Variants in CTNNA2 observed in about 807,000 individuals in gnomAD.
CTNNA2 encodes the protein catenin alpha 2, also known as catenin alpha-2.
Under a neutral mutation model 101.0 loss-of-function variants are expected in CTNNA2, and 42 were observed. The ratio of observed to expected loss-of-function variants is 0.42; its 90% confidence interval spans 0.32 to 0.54. CTNNA2 has a LOEUF of 0.54. Ranked by LOEUF, CTNNA2 falls within the 20% of genes least tolerant of loss-of-function variation. The pLI, the probability that CTNNA2 is intolerant of heterozygous loss-of-function variation, is 0.14. For missense variants in CTNNA2, 871 were observed against 1,223.1 expected (o/e 0.71, Z 4.29); for synonymous variants, 450 against 456.4 (o/e 0.99, Z 0.18).
rs1445938300 is a variant in CTNNA2, at chr2:79,869,910, A to G, written c.560A>G (p.Asn187Ser). ...TTTGGGAAAGAGATGGTGAAACTTAACTATGTAGCAGCAAGAAGACAACAG... is the reference window on the plus strand; with the variant it reads ...TTTGGGAAAGAGATGGTGAAACTTAGCTATGTAGCAGCAAGAAGACAACAG... ...KEFGKEMVKL[N>S]YVAARRQQEL... Residue 187 changes from asparagine (N) to serine (S), a missense_variant, in exon 5 of 19, where the codon AAC becomes AGC. Asn to Ser is a conservative substitution (Grantham distance 46). Coordinates refer to ENST00000402739, the MANE Select transcript of CTNNA2 (RefSeq NM_001282597.3). The G allele has an allele frequency of 6.2e-7, 1 of 1,614,078 alleles. No homozygotes were observed. The highest frequency in any genetic ancestry group is 8.5e-7 in the Non-Finnish European group (1 of 1,180,022).
intron 7 of CTNNA2, among the ~76,000 whole-genome samples, chr2:80,167,337 A>G (rs1232152811): frequency 2.0e-5 from 3 of 152,240 alleles, no homozygotes; most frequent in Non-Finnish European, 4.4e-5. Flanking sequence ...AAATAAATAT[A>G]CAAGGTTATT....
chr2:79,332,709 AT>A (rs1234140452), intron 3 of CTNNA2, among the ~76,000 whole-genome samples: 3 of 152,160 alleles, frequency 2.0e-5, no homozygotes, highest in Non-Finnish European at 4.4e-5. Context: ...TTGATCAGGG[AT>A]TGGCGTTAAA....
At chr2:79,745,248 C>T (rs558103252) in intron 3 of CTNNA2, among the ~76,000 whole-genome samples, 4 of 151,906 alleles carry the variant, frequency 2.6e-5, no homozygotes, top group Non-Finnish European at 4.4e-5. Flanking sequence ...CTGGGCAACA[C>T]GGTGAAACCC....
chr2:79,629,478 G>C (rs1055058120), intron 1 of CTNNA2, among the ~76,000 whole-genome samples: 1 of 152,108 alleles, frequency 6.6e-6, no homozygotes, highest in Non-Finnish European at 1.5e-5. Flanking sequence ...TTGCCATCGT[G>C]GTCCCAAACA....
intron 18 of CTNNA2, among the ~76,000 whole-genome samples, chr2:80,647,082 G>T (rs917405118): frequency 6.6e-6 from 1 of 152,068 alleles, no homozygotes; most frequent in Non-Finnish European, 1.5e-5. Flanking sequence ...CTGAGGACCT[G>T]TTAATAGTTA....
intron 7 of CTNNA2, among the ~76,000 whole-genome samples, chr2:79,914,176 A>G (rs12988234): frequency 6.6e-6 from 1 of 151,190 alleles, no homozygotes; most frequent in African/African-American, 2.4e-5. Flanking sequence ...CAAAAAAAAA[A>G]AAAAAAAAAA....
chr2:79,651,803 T>TG (rs1442489166), intron 2 of CTNNA2, 145 bp downstream of exon 2: 1 of 678,896 alleles, frequency 1.5e-6, no homozygotes, highest in East Asian at 2.7e-5. Context: ...GCCTGAACTA[T>TG]GGGCAATCTC....
intron 7 of CTNNA2, among the ~76,000 whole-genome samples, chr2:80,010,620 C>G (rs1034252861): frequency 6.6e-6 from 1 of 152,020 alleles, no homozygotes; most frequent in African/African-American, 2.4e-5. Flanking sequence ...GTGATTTTAG[C>G]AAGTGTAATA....
chr2:80,501,757 C>G (rs1408429897), intron 9 of CTNNA2, among the ~76,000 whole-genome samples: 1 of 152,120 alleles, frequency 6.6e-6, no homozygotes, highest in Admixed American at 6.6e-5. Context: ...TACCTGAACT[C>G]AGATCTATCC....
chr2:79,674,478 T>C (rs1342621456), intron 2 of CTNNA2, among the ~76,000 whole-genome samples: 1 of 152,136 alleles, frequency 6.6e-6, no homozygotes, highest in African/African-American at 2.4e-5. Flanking sequence ...ATTCACAGGA[T>C]AGAAAAAATA....
chr2:79,219,106 T>C (rs1254432209), intron 2 of CTNNA2, among the ~76,000 whole-genome samples: 2 of 152,108 alleles, frequency 1.3e-5, no homozygotes, highest in Non-Finnish European at 2.9e-5. Context: ...CTTCCTCCTA[T>C]TTTTTCCCTA....
At chr2:79,584,101 C>T (rs770303647) in intron 1 of CTNNA2, among the ~76,000 whole-genome samples, 9 of 152,010 alleles carry the variant, frequency 5.9e-5, no homozygotes, top group East Asian at 1.9e-4. Context: ...TAAAGTTGCC[C>T]GTCAACTCTT....
chr2:79,811,384 T>C (rs1333717932), intron 3 of CTNNA2, among the ~76,000 whole-genome samples: 4 of 152,214 alleles, frequency 2.6e-5, no homozygotes, highest in Non-Finnish European at 5.9e-5. Flanking sequence ...TGTTTGTTTT[T>C]TTCTTGTAAA....
intron 9 of CTNNA2, among the ~76,000 whole-genome samples, chr2:80,497,451 T>C (rs1573041929): frequency 6.6e-6 from 1 of 152,182 alleles, no homozygotes; most frequent in African/African-American, 2.4e-5. Context: ...AGACCTACAC[T>C]AAACACTAAA....
At chr2:79,810,592 A>G (rs57829985) in intron 3 of CTNNA2, among the ~76,000 whole-genome samples, 11,213 of 150,088 alleles carry the variant, frequency 0.075, 1,371 homozygotes, top group African/African-American at 0.26. Context: ...TTAGTTACAT[A>G]TGTATACATG....
At chr2:79,882,955 C>A (rs1683561828) in intron 6 of CTNNA2, among the ~76,000 whole-genome samples, 2 of 152,180 alleles carry the variant, frequency 1.3e-5, no homozygotes, top group African/African-American at 4.8e-5. Flanking sequence ...CTCCCATGCC[C>A]CATGTGGCTC....
rs1316848154 is a variant in CTNNA2 at position 79,779,510 on chromosome 2, A to C, written c.298+34928A>C. Among the ~76,000 whole-genome samples, 3 of 151,998 alleles carry C rather than the reference A, an allele frequency of 2.0e-5. No individual in the cohort carries two copies. The South Asian group carries it at 6.2e-4, about 32-fold the overall frequency. On this transcript the variant is annotated intron_variant, in intron 3 of 18. Coordinates refer to ENST00000402739, the MANE Select transcript of CTNNA2 (RefSeq NM_001282597.3). The stretch of plus-strand genomic sequence containing the variant: ...CATTCTTTCTTTTCATCCTTGTCCT[A>C]CCCTTATTAACTCTGACCTCTGTGC...
intron 1 of CTNNA2, among the ~76,000 whole-genome samples, chr2:79,619,003 C>G (rs1678823616): frequency 1.3e-5 from 2 of 152,128 alleles, no homozygotes; most frequent in African/African-American, 4.8e-5. Context: ...GTCAGTAGTT[C>G]TAGACTACCA....
intron 6 of CTNNA2, among the ~76,000 whole-genome samples, chr2:79,897,261 GTTT>G: frequency 6.6e-6 from 1 of 151,552 alleles, no homozygotes; most frequent in South Asian, 2.1e-4. Flanking sequence ...GCCGTTGAAG[GTTT>G]GAGGCCAGTG....
Sources: gnomAD v4.1 joint callset for allele counts (sites outside exome capture counted in the v4.1 genomes callset) on GRCh38, gnomAD v4.1.1 for gene constraint, MANE v1.5 for transcripts, NCBI Gene and HGNC (gene_info 2026-07-23, HGNC 2026-07-21) for gene names.